The following RANBP2 variants were observed in gnomAD, a reference collection of about 807,000 sequenced individuals.
RANBP2 encodes the protein RAN binding protein 2, also known as E3 SUMO-protein ligase RanBP2.
A neutral mutation model predicts 303.6 loss-of-function variants in RANBP2; 57 were observed. That is an observed-to-expected ratio of 0.19 (90% CI 0.15 to 0.23). The LOEUF is 0.23. Among genes scored for constraint, RANBP2 ranks in the 10% least tolerant of loss-of-function variants. The pLI, the probability that RANBP2 is intolerant of heterozygous loss-of-function variation, is 1.00. For missense variants in RANBP2, 3,138 were observed against 3,780.8 expected (o/e 0.83, Z 4.46); for synonymous variants, 1,167 against 1,301.5 (o/e 0.90, Z 2.23).
the RANBP2 span, among the ~76,000 whole-genome samples, chr2:109,269,709 G>A: frequency 6.6e-6 from 1 of 152,350 alleles, no homozygotes; most frequent in East Asian, 1.9e-4. Flanking sequence ...AACCAAGGAG[G>A]TGGAGGTTGC....
chr2:109,282,204 A>G, the RANBP2 span, among the ~76,000 whole-genome samples: 1 of 152,066 alleles, frequency 6.6e-6, no homozygotes, highest in Non-Finnish European at 1.5e-5. Context: ...ATGAGTGTTT[A>G]TTGGGGTTAA....
chr2:109,526,891 C>G, the RANBP2 span, among the ~76,000 whole-genome samples: 1 of 152,244 alleles, frequency 6.6e-6, no homozygotes, highest in South Asian at 2.1e-4. Context: ...AGAGATGTGT[C>G]TGCCTCAGCC....
chr2:109,720,334 C>T, the RANBP2 span, among the ~76,000 whole-genome samples: 51 of 152,042 alleles, frequency 3.4e-4, no homozygotes, highest in African/African-American at 1.1e-3. Context: ...ACAGCATCAC[C>T]GTGACAGCCA....
the RANBP2 span, among the ~76,000 whole-genome samples, chr2:109,341,072 C>T: frequency 6.6e-6 from 1 of 152,202 alleles, no homozygotes; most frequent in African/African-American, 2.4e-5. Flanking sequence ...TGTTTTCATC[C>T]TTTGTCTTAT....
rs749893555 is a variant in RANBP2, at chr2:108,775,888, G to A, written c.8449G>A (p.Val2817Ile). 6.2e-7 allele frequency: 1 copy of A among 1,612,852 alleles called. No homozygotes were observed. Among genetic ancestry groups the A allele is most frequent in the Non-Finnish European group, 8.5e-7 (1 of 1,179,890 alleles). ...SVSSETMDKP[V>I]DLSTRKEIDT... ...TTCCTCTGAAACTATGGACAAACCT[G>A]TAGATTTGTCAACTAGAAAGGAAAT... Residue 2817 changes from valine (V) to isoleucine (I), a missense_variant, in exon 24 of 29, where the codon GTA (valine) becomes ATA (isoleucine). Physicochemically the swap from Val to Ile is conservative, Grantham distance 29 (BLOSUM62 3). Coordinates refer to ENST00000283195, the MANE Select transcript of RANBP2 (RefSeq NM_006267.5).
the RANBP2 span, among the ~76,000 whole-genome samples, chr2:108,890,127 A>C: frequency 1.7e-5 from 1 of 57,224 alleles, no homozygotes; most frequent in Non-Finnish European, 4.4e-5. Context: ...TTCTTGGCTG[A>C]CATTTTTTTT....
the RANBP2 span, among the ~76,000 whole-genome samples, chr2:109,132,668 C>T: frequency 6.6e-6 from 1 of 152,194 alleles, no homozygotes; most frequent in Non-Finnish European, 1.5e-5. Context: ...ATATGTGTTA[C>T]TTCTTGAAGT....
the RANBP2 span, among the ~76,000 whole-genome samples, chr2:109,172,358 C>T: frequency 6.6e-6 from 1 of 152,258 alleles, no homozygotes; most frequent in South Asian, 2.1e-4. Flanking sequence ...AACCCCTCTT[C>T]ACCATGCACG....
downstream of RANBP2, among the ~76,000 whole-genome samples, chr2:108,790,595 G>A (rs139674971): frequency 1.4e-3 from 206 of 152,290 alleles, 1 homozygote; most frequent in African/African-American, 4.4e-3. Context: ...CCAGCTACTC[G>A]GGAGGCTGAG....
intron 1 of RANBP2, among the ~76,000 whole-genome samples, chr2:108,727,943 C>A (rs1694862653): frequency 6.6e-6 from 1 of 152,040 alleles, no homozygotes. Context: ...TTTATGTAAC[C>A]AAGGAGCCAG....
intron 15 of RANBP2, 43 bp downstream of exon 15, chr2:108,754,014 A>G (rs757938349): frequency 1.6e-5 from 25 of 1,611,274 alleles, no homozygotes; most frequent in Middle Eastern, 4.5e-4. Context: ...CTGATAACCC[A>G]CTGGTCAATG....
At chr2:109,213,230 T>G in the RANBP2 span, among the ~76,000 whole-genome samples, 2 of 152,176 alleles carry the variant, frequency 1.3e-5, no homozygotes, top group Non-Finnish European at 2.9e-5. Flanking sequence ...CCAGGGCTGC[T>G]TCTGAGCTCA....
the RANBP2 span, among the ~76,000 whole-genome samples, chr2:109,088,571 G>A: frequency 1.0e-3 from 157 of 152,138 alleles, 1 homozygote; most frequent in African/African-American, 3.5e-3. Context: ...GGAGTGCAGT[G>A]GTACGATCTT....
the RANBP2 span, among the ~76,000 whole-genome samples, chr2:108,847,238 AG>A: frequency 3.3e-5 from 5 of 152,200 alleles, no homozygotes; most frequent in Non-Finnish European, 1.5e-5. Context: ...ATTTTCCACT[AG>A]CGAATGTGTT....
the RANBP2 span, among the ~76,000 whole-genome samples, chr2:109,575,468 T>C: frequency 6.6e-6 from 1 of 152,250 alleles, no homozygotes; most frequent in Non-Finnish European, 1.5e-5. Context: ...TTACATCCTC[T>C]ACTCAGGTAA....
At chr2:109,722,117 G>A in the RANBP2 span, among the ~76,000 whole-genome samples, 4 of 152,290 alleles carry the variant, frequency 2.6e-5, no homozygotes, top group East Asian at 7.7e-4. Flanking sequence ...GGTTAAAATC[G>A]ATTTTAGAGT....
At chr2:108,736,343 T>C (rs1695583864) in intron 6 of RANBP2, 94 bp downstream of exon 6, 2 of 1,604,740 alleles carry the variant, frequency 1.2e-6, no homozygotes, top group African/African-American at 2.7e-5. Context: ...TGAATCATTA[T>C]TTGTATAATG....
At chr2:109,416,550 A>C in the RANBP2 span, among the ~76,000 whole-genome samples, 10 of 152,064 alleles carry the variant, frequency 6.6e-5, no homozygotes, top group South Asian at 1.0e-3. Flanking sequence ...ATGCCTGGCT[A>C]ATTTTTGTAT....
chr2:109,260,160 C>T, the RANBP2 span, among the ~76,000 whole-genome samples: 26 of 152,184 alleles, frequency 1.7e-4, no homozygotes, highest in South Asian at 4.2e-4. Flanking sequence ...AATGCATTCC[C>T]GAGACTTTCC....
Sources: allele counts gnomAD v4.1 joint callset (sites outside exome capture counted in the v4.1 genomes callset), GRCh38; gene constraint gnomAD v4.1.1; transcripts MANE v1.5; gene names NCBI Gene and HGNC (gene_info 2026-07-23, HGNC 2026-07-21).